Variants in RARB observed in about 807,000 individuals in gnomAD.
RARB encodes HBV-activated protein.
A neutral mutation model predicts 51.9 loss-of-function variants in RARB; 17 were observed. That is an observed-to-expected ratio of 0.33 (90% CI 0.22 to 0.49). The LOEUF is 0.49. Ranked by LOEUF, RARB falls within the 20% of genes least tolerant of loss-of-function variation. The probability of loss-of-function intolerance (pLI) is 0.99; values close to 1 mark genes in which losing one functional copy is unlikely to be tolerated. For synonymous variants in RARB, 215 were observed against 195.4 expected (o/e 1.10, Z -0.84); for missense variants, 369 against 550.8 (o/e 0.67, Z 3.30).
Position 25,404,518 on chromosome 3 carries a change from C to T in RARB, c.179-56675C>T, listed in dbSNP as rs77059744. Among the ~76,000 whole-genome samples the T allele has an allele frequency of 5.5e-3, 836 of 152,212 alleles. 53 individuals carry two copies. In the East Asian group the frequency reaches 0.13, roughly 24 times the overall value. On this transcript the variant is annotated intron_variant, in intron 5 of 11. Coordinates refer to the RARB transcript ENST00000383772. ...GTGATTCTAGGGAATAAATAATTGA[C>T]CCAGGGTAGAGAAGGTAAGCATAAT... is the stretch of plus-strand genomic sequence containing the variant.
intron 5 of RARB, among the ~76,000 whole-genome samples, chr3:25,278,353 AC>A (rs1471619216): frequency 1.3e-5 from 2 of 152,124 alleles, no homozygotes; most frequent in Admixed American, 1.3e-4. Context: ...CCCTTGGAAG[AC>A]CCTCTTCTGT....
chr3:25,204,858 G>T (rs1165791539), intron 5 of RARB, among the ~76,000 whole-genome samples: 1 of 152,106 alleles, frequency 6.6e-6, no homozygotes, highest in Non-Finnish European at 1.5e-5. Flanking sequence ...TGCCAGTTAG[G>T]CTACTCGGGG....
intron 3 of RARB, among the ~76,000 whole-genome samples, chr3:25,093,556 G>C (rs1191566512): frequency 6.6e-6 from 1 of 152,124 alleles, no homozygotes; most frequent in Non-Finnish European, 1.5e-5. Context: ...AGGAAGATGA[G>C]ATGAGCCTGA....
intron 2 of RARB, among the ~76,000 whole-genome samples, chr3:25,475,403 G>T (rs187849382): frequency 0.05 from 7,500 of 148,836 alleles, 269 homozygotes; most frequent in Non-Finnish European, 0.078. Flanking sequence ...AATAACAAAG[G>T]GGGGGGGATC....
chr3:25,570,198 C>T (rs751318995), intron 4 of RARB, among the ~76,000 whole-genome samples: 14 of 152,342 alleles, frequency 9.2e-5, no homozygotes, highest in East Asian at 1.9e-4. Flanking sequence ...ATTTGCTATA[C>T]GACAGGCTGT....
chr3:24,928,129 T>C (rs1695358749), intron 2 of RARB, among the ~76,000 whole-genome samples: 1 of 152,034 alleles, frequency 6.6e-6, no homozygotes, highest in Non-Finnish European at 1.5e-5. Flanking sequence ...TGGTAGAATT[T>C]TGAGGTCTAA....
chr3:25,320,679 T>A (rs1444138281), intron 5 of RARB, among the ~76,000 whole-genome samples: 1 of 152,246 alleles, frequency 6.6e-6, no homozygotes, highest in Admixed American at 6.5e-5. Context: ...TATATGTGAA[T>A]TCATAGGTAG....
chr3:25,196,133 T>C (rs1348401233), intron 5 of RARB, among the ~76,000 whole-genome samples: 2 of 151,928 alleles, frequency 1.3e-5, no homozygotes, highest in Non-Finnish European at 2.9e-5. Context: ...AGGTTTATTA[T>C]GTATGTATAC....
intron 5 of RARB, among the ~76,000 whole-genome samples, chr3:25,338,715 C>G (rs529001643): frequency 4.1e-4 from 62 of 152,294 alleles, no homozygotes; most frequent in Non-Finnish European, 6.3e-4. Flanking sequence ...TGTTCATTCA[C>G]TTATCTATTT....
At chr3:25,174,509 C>T (rs1481560887) in exon 5 of RARB, 7 of 1,352,016 alleles carry the variant, frequency 5.2e-6, no homozygotes, top group Non-Finnish European at 6.9e-6. Flanking sequence ...AGGACTTTCC[C>T]TGCCTCCCCT....
chr3:25,010,680 G>T (rs534401605), intron 2 of RARB, among the ~76,000 whole-genome samples: 2 of 152,022 alleles, frequency 1.3e-5, no homozygotes, highest in African/African-American at 4.8e-5. Context: ...ATTCTATTCT[G>T]TTCTTCTCAA....
chr3:24,882,870 G>A (rs901525466), intron 2 of RARB, among the ~76,000 whole-genome samples: 7 of 152,198 alleles, frequency 4.6e-5, no homozygotes, highest in African/African-American at 1.7e-4. Flanking sequence ...AGGCATATAT[G>A]ACAGAACTCT....
At position 25,240,047 on chromosome 3, in the gene RARB, T is replaced by G. The variant is rs1241835637; in HGVS notation, c.178+65472T>G. Among the ~76,000 whole-genome samples, 5 of 137,580 alleles carry G rather than the reference T, an allele frequency of 3.6e-5. No individual in the cohort carries two copies. In the East Asian group the frequency reaches 5.9e-4, roughly 16 times the overall value. The allele number at this position is 137,580 out of a possible 152,430, so 90.3% of individuals were successfully genotyped here. On this transcript the variant is annotated intron_variant, in intron 5 of 11. Coordinates refer to the RARB transcript ENST00000383772. Reference sequence around the variant, plus strand: ...TTCCTAGGTTGTTGGTGTTTGTTTGTTTTTTTTTTGTTATCGCTGTTTTGG... The same window carrying G: ...TTCCTAGGTTGTTGGTGTTTGTTTGGTTTTTTTTTGTTATCGCTGTTTTGG...
chr3:25,579,468 A>G (rs1003547483), intron 4 of RARB, among the ~76,000 whole-genome samples: 6 of 152,216 alleles, frequency 3.9e-5, no homozygotes, highest in African/African-American at 1.4e-4. Flanking sequence ...CGTTTTGAGT[A>G]TGGGCGTTTT....
At position 25,441,258 on chromosome 3, in the gene RARB, T is replaced by G. The variant is rs115054035; in HGVS notation, c.157+12370T>G. 1.6e-3 allele frequency: 650 copies of G among 409,066 alleles called. 6 individuals are homozygous for G. The highest frequency in any genetic ancestry group is 0.012 in the African/African-American group (557 of 48,090). 25.3% of individuals were successfully genotyped at this position (409,066 alleles called of 1,614,324 possible). On this transcript the variant is annotated intron_variant, in intron 1 of 7. Coordinates refer to ENST00000330688, the MANE Select transcript of RARB (RefSeq NM_000965.5). ...AACCAGATAGGCCTCACTTGGCTCC[T>G]GCAAAGCACCAGTAGCTGCGCTCTG...
chr3:24,990,316 TCCCTCCC>T (rs1696883972), intron 2 of RARB, among the ~76,000 whole-genome samples: 1 of 42,194 alleles, frequency 2.4e-5, no homozygotes, highest in African/African-American at 1.0e-4. Flanking sequence ...CCTAATGCTA[TCCCTCCC>T]CCCTCCCCCC....
intron 3 of RARB, among the ~76,000 whole-genome samples, chr3:25,103,397 T>C (rs1210422791): frequency 6.6e-6 from 1 of 152,210 alleles, no homozygotes; most frequent in Non-Finnish European, 1.5e-5. Flanking sequence ...TCCTCTTTCA[T>C]GGTTAAAGAT....
chr3:25,255,290 C>G (rs1160365481), intron 5 of RARB, among the ~76,000 whole-genome samples: 1 of 152,144 alleles, frequency 6.6e-6, no homozygotes, highest in East Asian at 1.9e-4. Flanking sequence ...CCTTAGATCA[C>G]AGCCACCCCA....
intron 2 of RARB, among the ~76,000 whole-genome samples, chr3:25,009,916 C>G (rs1480809754): frequency 6.6e-6 from 1 of 152,078 alleles, no homozygotes; most frequent in Non-Finnish European, 1.5e-5. Flanking sequence ...AACCTTTAAG[C>G]AGTTCAGTTC....
Sources: gnomAD v4.1 joint callset for allele counts (sites outside exome capture counted in the v4.1 genomes callset) on GRCh38, gnomAD v4.1.1 for gene constraint, MANE v1.5 for transcripts, NCBI Gene and HGNC (gene_info 2026-07-23, HGNC 2026-07-21) for gene names.